Variants in DOCK10 observed in about 807,000 individuals in gnomAD.
The protein encoded by DOCK10 is dedicator of cytokinesis protein 10.
DOCK10 carries 145 observed loss-of-function variants against 280.1 expected under a neutral mutation model. That is an observed-to-expected ratio of 0.52 (90% CI 0.45 to 0.59). The LOEUF is 0.59. DOCK10 is among the 20% of genes least tolerant of loss of function. The pLI, the probability that DOCK10 is intolerant of heterozygous loss-of-function variation, is 0.00. For missense variants in DOCK10, 2,368 were observed against 2,651.7 expected (o/e 0.89, Z 2.35); for synonymous variants, 915 against 942.2 (o/e 0.97, Z 0.53).
At chr2:224,784,690 G>A (rs1193984375) in intron 50 of DOCK10, 1 of 1,286,592 alleles carries the variant, frequency 7.8e-7, no homozygotes, top group Admixed American at 2.3e-5. Flanking sequence ...GAAGTGTGAG[G>A]GGTGTTAGAG....
chr2:224,994,394 A>G (rs1476376663), intron 1 of DOCK10, among the ~76,000 whole-genome samples: 1 of 152,248 alleles, frequency 6.6e-6, no homozygotes, highest in African/African-American at 2.4e-5. Context: ...TAAAAGGTTT[A>G]GCATGGTGCC....
At chr2:224,959,068 T>C (rs541334126) in intron 1 of DOCK10, among the ~76,000 whole-genome samples, 4 of 152,210 alleles carry the variant, frequency 2.6e-5, no homozygotes, top group Non-Finnish European at 5.9e-5. Flanking sequence ...TTGGTTGGCA[T>C]TAGGGAACAT....
intron 7 of DOCK10, among the ~76,000 whole-genome samples, chr2:224,880,759 AATG>A (rs1371443152): frequency 1.3e-5 from 2 of 152,226 alleles, no homozygotes; most frequent in Admixed American, 1.3e-4. Flanking sequence ...CACTCAAGCC[AATG>A]GTGGACTGAA....
At position 224,803,376 on chromosome 2, in the gene DOCK10, G is replaced by T. The variant is rs1023772213; in HGVS notation, c.4268+736C>A. On this transcript the variant is annotated intron_variant, in intron 39 of 55. Transcript: ENST00000258390. ...ATTCTATGATTTATTCGCTATGTACGACTCTTATATTTCTTTCTAAAACCC... is the reference window on the plus strand; with the variant it reads ...ATTCTATGATTTATTCGCTATGTACTACTCTTATATTTCTTTCTAAAACCC... Among the ~76,000 whole-genome samples, 3 of 151,758 alleles carry T rather than the reference G, an allele frequency of 2.0e-5. No individual in the cohort carries two copies. In the South Asian group the frequency reaches 6.2e-4, roughly 32 times the overall value.
chr2:224,925,445 A>G (rs1321643983), intron 2 of DOCK10, among the ~76,000 whole-genome samples: 1 of 152,202 alleles, frequency 6.6e-6, no homozygotes, highest in African/African-American at 2.4e-5. Flanking sequence ...ACCTACTAAT[A>G]TGAAGATGGA....
chr2:224,895,629 C>T (rs1699932659), intron 4 of DOCK10, among the ~76,000 whole-genome samples: 1 of 152,070 alleles, frequency 6.6e-6, no homozygotes, highest in Admixed American at 6.6e-5. Context: ...AAAGTCCCTG[C>T]CCTTTGGGGA....
intron 1 of DOCK10, among the ~76,000 whole-genome samples, chr2:224,952,747 T>C (rs1187084623): frequency 9.3e-5 from 14 of 151,340 alleles, no homozygotes; most frequent in African/African-American, 3.4e-4. Context: ...CGCCCGCCAC[T>C]ACGCCCGGCT....
chr2:224,865,773 A>AAATT (rs1000672478), intron 11 of DOCK10, among the ~76,000 whole-genome samples: 8 of 151,938 alleles, frequency 5.3e-5, no homozygotes, highest in Non-Finnish European at 1.2e-4. Context: ...AGGTTGTGTA[A>AAATT]AAGGTGCATA....
In DOCK10 at chr2:224,864,859, G is replaced by A. The variant is rs553165424; in HGVS notation, c.1479+7C>T. 1.2e-6 allele frequency: 2 copies of A among 1,613,872 alleles called. No homozygotes were observed. Among genetic ancestry groups the A allele is most frequent in the East Asian group, 2.2e-5 (1 of 44,872 alleles). ...TTCCATCTCATCACAAGTAAACAAA[G>A]TGCCACCTGCTTTGGAAATTTTAGC... On this transcript the variant is annotated splice_region_variant and intron_variant, in intron 12 of 55. Coordinates refer to ENST00000258390, the MANE Select transcript of DOCK10 (RefSeq NM_014689.3).
intron 1 of DOCK10, among the ~76,000 whole-genome samples, chr2:224,941,076 CCAATA>C (rs1205494930): frequency 6.6e-6 from 1 of 152,080 alleles, no homozygotes; most frequent in African/African-American, 2.4e-5. Context: ...CCTGTAAATG[CCAATA>C]ATGGTTATTA....
intron 2 of DOCK10, among the ~76,000 whole-genome samples, chr2:224,927,739 T>C (rs1274093152): frequency 1.3e-5 from 2 of 152,312 alleles, no homozygotes; most frequent in Middle Eastern, 3.4e-3. Flanking sequence ...GTCTCACTAG[T>C]CTAGGAAGTG....
At chr2:225,033,099 C>T (rs1690127468) in intron 1 of DOCK10, among the ~76,000 whole-genome samples, 1 of 152,116 alleles carries the variant, frequency 6.6e-6, no homozygotes, top group African/African-American at 2.4e-5. Flanking sequence ...CTACATGTCT[C>T]AGAGGAGGTA....
At chr2:224,814,080 G>A (rs1363246231) in intron 31 of DOCK10, among the ~76,000 whole-genome samples, 1 of 152,184 alleles carries the variant, frequency 6.6e-6, no homozygotes, top group Non-Finnish European at 1.5e-5. Flanking sequence ...AATTTCAGAT[G>A]CTTTGGGAAA....
intron 7 of DOCK10, among the ~76,000 whole-genome samples, chr2:224,883,780 T>C (rs543536919): frequency 2.0e-5 from 3 of 152,282 alleles, no homozygotes; most frequent in African/African-American, 4.8e-5. Context: ...AGTTCCTCCA[T>C]AGGAAGGTCA....
chr2:224,952,858 C>T (rs1013352989), intron 1 of DOCK10, among the ~76,000 whole-genome samples: 3 of 152,174 alleles, frequency 2.0e-5, no homozygotes, highest in African/African-American at 7.2e-5. Flanking sequence ...TCCCAAAGTG[C>T]TGGGATTACA....
In DOCK10 at chr2:224,808,667, G is replaced by A. The variant is rs572418042; in HGVS notation, c.3410-581C>T. On this transcript the variant is annotated intron_variant, in intron 31 of 55. Transcript: ENST00000258390. ...AATTAGGCTTGAGAGGCTGGGGCTA[G>A]ATGATGGAGAACAGTACAATTTCCT... Among the ~76,000 whole-genome samples, 85 of 152,256 alleles carry A rather than the reference G, an allele frequency of 5.6e-4. 3 individuals are homozygous for A. The South Asian group carries it at 0.017, about 31-fold the overall frequency.
At chr2:224,778,394 T>A in intron 50 of DOCK10, 110 bp from the exon 51 acceptor site, 1 of 1,074,730 alleles carries the variant, frequency 9.3e-7, no homozygotes, top group Non-Finnish European at 1.4e-6. Context: ...GGTTGTCATC[T>A]AATCCATTGG....
intron 41 of DOCK10, 139 bp from the exon 42 acceptor site, chr2:224,798,108 G>T: frequency 2.5e-6 from 2 of 799,048 alleles, no homozygotes; most frequent in Non-Finnish European, 3.9e-6. Flanking sequence ...AGGAGACACA[G>T]TTCATGTTTA....
intron 1 of DOCK10, among the ~76,000 whole-genome samples, chr2:224,974,452 T>C (rs531430004): frequency 1.3e-5 from 2 of 152,262 alleles, no homozygotes; most frequent in East Asian, 3.9e-4. Flanking sequence ...AAAAATACTG[T>C]ATTTATATCT....
Sources: allele counts gnomAD v4.1 joint callset (sites outside exome capture counted in the v4.1 genomes callset), GRCh38; gene constraint gnomAD v4.1.1; transcripts MANE v1.5; gene names NCBI Gene and HGNC (gene_info 2026-07-23, HGNC 2026-07-21).